Variants in PCDHB6 observed in about 807,000 individuals in gnomAD.
PCDHB6 encodes the protein protocadherin beta 6.
For synonymous variants in PCDHB6, 506 were observed against 459.0 expected (o/e 1.10, Z -1.31); for missense variants, 1,137 against 1,010.1 (o/e 1.13, Z -1.70).
Position 141,152,920 on chromosome 5 carries a change from GT to G in PCDHB6, c.*279del, listed in dbSNP as rs1380790449. 8.4e-6 allele frequency: 2 copies of G among 236,960 alleles called. No homozygotes were observed. Among genetic ancestry groups the G allele is most frequent in the East Asian group, 2.1e-4 (2 of 9,510 alleles). 14.7% of individuals were successfully genotyped at this position (236,960 alleles called of 1,614,324 possible). A position where few individuals can be genotyped will look rare whatever the true frequency, so the allele number is the denominator to read the frequency against. ...CTTCCCCCCCCCAAAAAAAAGTATT[GT>G]AAATCCTTAAGTAAAATTGTATTTC... On this transcript the variant is annotated 3_prime_UTR_variant, in exon 1 of 1. Coordinates refer to ENST00000231136, the MANE Select transcript of PCDHB6 (RefSeq NM_018939.4).
Position 141,151,751 on chromosome 5 carries a change from C to G in PCDHB6, c.1494C>G (p.Leu498=), listed in dbSNP as rs1330967276. Residue 498 remains leucine, a synonymous_variant, in exon 1 of 1, where the codon CTC becomes CTG. Transcript: ENST00000231136. ...CGCCCCAGGACCCGCACCTGCCCCT[C>G]TCTTCCCTGGTCTCCATCAACGCGG... is the stretch of plus-strand genomic sequence containing the variant. ...LLPPQDPHLP[L]SSLVSINADN... is the part of the protein sequence containing the mutation. The G allele has an allele frequency of 6.2e-7, 1 of 1,613,280 alleles. No homozygotes were observed. The highest frequency in any genetic ancestry group is 8.5e-7 in the Non-Finnish European group (1 of 1,180,058).
rs371005143 is a variant in PCDHB6 at position 141,150,808 on chromosome 5, G to A, written c.551G>A (p.Arg184His). The change falls in exon 1 of 1, where the codon CGC (arginine) becomes CAC (histidine). Residue 184 changes from arginine (R) to histidine (H), a missense_variant. Arg to His is a conservative substitution (Grantham distance 29, BLOSUM62 0). Coordinates refer to ENST00000231136, the MANE Select transcript of PCDHB6 (RefSeq NM_018939.4). ...CACTTCCACGTTCTCACCCGCAATC[G>A]CAGCGAAGGCAGGAAGTTCCCGGAG... ...NPHFHVLTRN[R>H]SEGRKFPELV... 2 of 1,614,112 alleles carry A rather than the reference G, an allele frequency of 1.2e-6. No individual in the cohort carries two copies. Among genetic ancestry groups the A allele is most frequent in the South Asian group, 1.1e-5 (1 of 91,068 alleles).
In PCDHB6 at chr5:141,151,897, T is replaced by C; in HGVS notation, c.1640T>C (p.Leu547Ser). 1 of 1,611,852 alleles carries C rather than the reference T, an allele frequency of 6.2e-7. No individual in the cohort carries two copies. The highest frequency in any genetic ancestry group is 8.5e-7 in the Non-Finnish European group (1 of 1,179,768). The change falls in exon 1 of 1, where the codon TTG becomes TCG. Residue 547 changes from leucine (L) to serine (S), a missense_variant. Transcript: ENST00000231136. Reference sequence around the variant, plus strand: ...TTGAGCAGCGAGGCGCTGGTGCGCTTGCTGGTGCTGGACGCCAACGACAAC... The same window carrying C: ...TTGAGCAGCGAGGCGCTGGTGCGCTCGCTGGTGCTGGACGCCAACGACAAC... ...PALSSEALVR[L>S]LVLDANDNSP...
At position 141,151,787 on chromosome 5, in the gene PCDHB6, C is replaced by T. The variant is rs1752876743; in HGVS notation, c.1530C>T (p.His510=). The T allele has an allele frequency of 6.2e-7, 1 of 1,613,172 alleles. No individual in the cohort carries two copies. The highest frequency in any genetic ancestry group is 1.7e-5 in the Admixed American group (1 of 60,002). ...TCTCCATCAACGCGGACAACGGCCA[C>T]CTGTTTGCCCTCAGGTCGCTGGACT... ...SLVSINADNG[H]LFALRSLDYE... The change falls in exon 1 of 1, where the codon CAC becomes CAT. Residue 510 remains histidine, a synonymous_variant. Coordinates refer to ENST00000231136, the MANE Select transcript of PCDHB6 (RefSeq NM_018939.4).
In PCDHB6 at chr5:141,150,290, G is replaced by A. The variant is rs1212615004; in HGVS notation, c.33G>A (p.Arg11=). The change falls in exon 1 of 1, where the codon AGG becomes AGA. Residue 11 remains arginine, a synonymous_variant. Transcript: ENST00000231136. The part of the protein sequence containing the change: MMQTKVQNKK[R]QVAFFILLML... ...AAACTAAAGTACAGAACAAGAAAAG[G>A]CAAGTGGCTTTCTTCATTTTATTGA... is the stretch of plus-strand genomic sequence containing the variant. 6.2e-7 allele frequency: 1 copy of A among 1,613,446 alleles called. No homozygotes were observed. Among genetic ancestry groups the A allele is most frequent in the Non-Finnish European group, 8.5e-7 (1 of 1,179,578 alleles).
chr5:141,152,828 G>T lies in PCDHB6; in HGVS notation c.*186G>T. ...TTTATTACTTCACTTGAGGGTACTT[G>T]ACAATATGAACAAAAAGTAAATTTT... On this transcript the variant is annotated 3_prime_UTR_variant, in exon 1 of 1. Transcript: ENST00000231136. 1 of 458,812 alleles carries T rather than the reference G, an allele frequency of 2.2e-6. No individual in the cohort carries two copies. Among genetic ancestry groups the T allele is most frequent in the Non-Finnish European group, 3.7e-6 (1 of 268,534 alleles). The allele number at this position is 458,812 out of a possible 1,614,324, so 28.4% of individuals were successfully genotyped here. A position where few individuals can be genotyped will look rare whatever the true frequency, so the allele number is the denominator to read the frequency against.
In PCDHB6 at chr5:141,150,422, G is replaced by T. The variant is rs1752822617; in HGVS notation, c.165G>T (p.Val55=). 3.7e-6 allele frequency: 6 copies of T among 1,614,080 alleles called. No homozygotes were observed. Among genetic ancestry groups the T allele is most frequent in the Non-Finnish European group, 5.1e-6 (6 of 1,180,018 alleles). Reference sequence around the variant, plus strand: ...TGACAAAGGACCTGGGACTGAGGGTGGGGGAGCTGGCTTCGCGGGGCGCTC... The same window carrying T: ...TGACAAAGGACCTGGGACTGAGGGTTGGGGAGCTGGCTTCGCGGGGCGCTC... ...ANLTKDLGLR[V]GELASRGARV... The change falls in exon 1 of 1, where the codon GTG becomes GTT. Residue 55 remains valine, a synonymous_variant. Coordinates refer to ENST00000231136, the MANE Select transcript of PCDHB6 (RefSeq NM_018939.4).
In PCDHB6 at chr5:141,150,135, G is replaced by A; in HGVS notation, c.-123G>A. The A allele has an allele frequency of 2.7e-6, 2 of 735,846 alleles. No homozygotes were observed. The highest frequency in any genetic ancestry group is 1.9e-5 in the South Asian group (1 of 53,342). The allele number at this position is 735,846 out of a possible 1,614,324, so 45.6% of individuals were successfully genotyped here. ...GATAGATGTGTCCGGGAAGGCAGTCGTCGCCAGACAAGTTGTAAGAACGAA... is the reference window on the plus strand; with the variant it reads ...GATAGATGTGTCCGGGAAGGCAGTCATCGCCAGACAAGTTGTAAGAACGAA... On this transcript the variant is annotated 5_prime_UTR_variant, in exon 1 of 1. Coordinates refer to ENST00000231136, the MANE Select transcript of PCDHB6 (RefSeq NM_018939.4).
In PCDHB6 at chr5:141,150,256, A is replaced by T. The variant is rs1752817267; in HGVS notation, c.-2A>T. Reference sequence around the variant, plus strand: ...TTTCTTCCGTATTCAGACATAATAGACATGATGCAAACTAAAGTACAGAAC... The same window carrying T: ...TTTCTTCCGTATTCAGACATAATAGTCATGATGCAAACTAAAGTACAGAAC... On this transcript the variant is annotated 5_prime_UTR_variant, in exon 1 of 1. Transcript: ENST00000231136. The T allele has an allele frequency of 6.2e-7, 1 of 1,604,142 alleles. No homozygotes were observed. Among genetic ancestry groups the T allele is most frequent in the Non-Finnish European group, 8.5e-7 (1 of 1,172,968 alleles).
Position 141,151,632 on chromosome 5 carries a change from C to G in PCDHB6, c.1375C>G (p.Arg459Gly), listed in dbSNP as rs1554277751. ...CCAAACCTCCTACACCCTGTTCGTC[C>G]GCGAGAACAACAGCCCCGCCCTGCA... ...FTQTSYTLFV[R>G]ENNSPALHIG... Residue 459 changes from arginine to glycine, a missense_variant, in exon 1 of 1, where the codon CGC (arginine) becomes GGC (glycine). Coordinates refer to ENST00000231136, the MANE Select transcript of PCDHB6 (RefSeq NM_018939.4). 6.2e-7 allele frequency: 1 copy of G among 1,613,636 alleles called. No homozygotes were observed. Among genetic ancestry groups the G allele is most frequent in the Non-Finnish European group, 8.5e-7 (1 of 1,180,030 alleles).
At position 141,151,935 on chromosome 5, in the gene PCDHB6, T is replaced by C. The variant is rs246705; in HGVS notation, c.1678T>C (p.Leu560=). The C allele has an allele frequency of 0.024, 38,524 of 1,607,832 alleles. 2,584 individuals are homozygous for C. The highest frequency in any genetic ancestry group is 0.23 in the African/African-American group (17,277 of 73,558). Reference sequence around the variant, plus strand: ...CGCCAACGACAACTCGCCCTTCGTGTTGTACCCGCTGCAGAACGGCTCCGC... The same window carrying C: ...CGCCAACGACAACTCGCCCTTCGTGCTGTACCCGCTGCAGAACGGCTCCGC... ...LDANDNSPFV[L]YPLQNGSAPC... Residue 560 remains leucine, a synonymous_variant, in exon 1 of 1, where the codon TTG becomes CTG. Coordinates refer to ENST00000231136, the MANE Select transcript of PCDHB6 (RefSeq NM_018939.4).
Position 141,151,253 on chromosome 5 carries a change from C to G in PCDHB6, c.996C>G (p.Val332=). The change falls in exon 1 of 1, where the codon GTC becomes GTG. Residue 332 remains valine (V), a synonymous_variant. Coordinates refer to ENST00000231136, the MANE Select transcript of PCDHB6 (RefSeq NM_018939.4). ...GGGLSGKCSL[V]VRVLDVNDNA... ...GCCTATCAGGAAAATGCTCTTTAGT[C>G]GTCAGGGTCCTGGACGTGAATGACA... The G allele has an allele frequency of 6.2e-7, 1 of 1,614,102 alleles. No individual in the cohort carries two copies.
Position 141,150,846 on chromosome 5 carries a change from A to C in PCDHB6, c.589A>C (p.Lys197Gln). 6.2e-7 allele frequency: 1 copy of C among 1,614,176 alleles called. No homozygotes were observed. Among genetic ancestry groups the C allele is most frequent in the Admixed American group, 1.7e-5 (1 of 60,018 alleles). Residue 197 changes from lysine to glutamine, a missense_variant, in exon 1 of 1, where the codon AAA becomes CAA. By Grantham distance (53) the Lys-to-Gln change is moderately conservative. Coordinates refer to ENST00000231136, the MANE Select transcript of PCDHB6 (RefSeq NM_018939.4). ...GAAGTTCCCGGAGCTGGTGCTAGAC[A>C]AACCGTTGGACCGCGAGGAGCAGCC... ...GRKFPELVLD[K>Q]PLDREEQPQL...
chr5:141,152,707 G>T lies in PCDHB6; in HGVS notation c.*65G>T. The T allele has an allele frequency of 7.2e-7, 1 of 1,390,612 alleles. No homozygotes were observed. Among genetic ancestry groups the T allele is most frequent in the Admixed American group, 2.5e-5 (1 of 39,642 alleles). The allele number at this position is 1,390,612 out of a possible 1,614,324, so 86.1% of individuals were successfully genotyped here. On this transcript the variant is annotated 3_prime_UTR_variant, in exon 1 of 1. Transcript: ENST00000231136. ...ATCTCTTTTAACTTAAAGTTACATG[G>T]TCTGTTTCTTGTTTATTTTACCTCT...
chr5:141,150,305 C>G lies in PCDHB6; in HGVS notation c.48C>G (p.Phe16Leu). The G allele has an allele frequency of 1.9e-6, 3 of 1,613,844 alleles. No individual in the cohort carries two copies. Among genetic ancestry groups the G allele is most frequent in the Non-Finnish European group, 2.5e-6 (3 of 1,179,782 alleles). ...VQNKKRQVAF[F>L]ILLMLWGEVG... ...ACAAGAAAAGGCAAGTGGCTTTCTT[C>G]ATTTTATTGATGCTTTGGGGAGAGG... Residue 16 changes from phenylalanine (F) to leucine (L), a missense_variant, in exon 1 of 1, where the codon TTC becomes TTG. Coordinates refer to ENST00000231136, the MANE Select transcript of PCDHB6 (RefSeq NM_018939.4).
At position 141,151,679 on chromosome 5, in the gene PCDHB6, A is replaced by G. The variant is rs1400134016; in HGVS notation, c.1422A>G (p.Thr474=). The G allele has an allele frequency of 6.2e-7, 1 of 1,613,196 alleles. No individual in the cohort carries two copies. The highest frequency in any genetic ancestry group is 8.5e-7 in the Non-Finnish European group (1 of 1,180,032). ...PALHIGSVSA[T]DRDSGINAQV... ...TGCACATCGGCAGCGTCAGCGCCAC[A>G]GACAGAGACTCAGGCATCAACGCCC... Residue 474 remains threonine, a synonymous_variant, in exon 1 of 1, where the codon ACA becomes ACG. Transcript: ENST00000231136.
chr5:141,152,826 T>C lies in PCDHB6; in HGVS notation c.*184T>C. On this transcript the variant is annotated 3_prime_UTR_variant, in exon 1 of 1. Coordinates refer to ENST00000231136, the MANE Select transcript of PCDHB6 (RefSeq NM_018939.4). ...AGTTTATTACTTCACTTGAGGGTAC[T>C]TGACAATATGAACAAAAAGTAAATT... The C allele has an allele frequency of 2.1e-6, 1 of 469,674 alleles. No individual in the cohort carries two copies. The highest frequency in any genetic ancestry group is 3.6e-6 in the Non-Finnish European group (1 of 275,866). The allele number at this position is 469,674 out of a possible 1,614,324, so 29.1% of individuals were successfully genotyped here.
Position 141,150,466 on chromosome 5 carries a change from A to G in PCDHB6, c.209A>G (p.Asn70Ser). 6.2e-7 allele frequency: 1 copy of G among 1,614,084 alleles called. No individual in the cohort carries two copies. ...SRGARVVFKG[N>S]RQHLQFDPQT... ...GGCGCTCGGGTTGTTTTCAAAGGGAACAGACAACATTTGCAGTTTGATCCA... is the reference window on the plus strand; with the variant it reads ...GGCGCTCGGGTTGTTTTCAAAGGGAGCAGACAACATTTGCAGTTTGATCCA... The change falls in exon 1 of 1, where the codon AAC (asparagine) becomes AGC (serine). Residue 70 changes from asparagine (N) to serine (S), a missense_variant. By Grantham distance (46) the Asn-to-Ser change is conservative. Transcript: ENST00000231136.
At position 141,151,838 on chromosome 5, in the gene PCDHB6, C is replaced by A; in HGVS notation, c.1581C>A (p.Phe527Leu). Residue 527 changes from phenylalanine to leucine, a missense_variant, in exon 1 of 1, where the codon TTC becomes TTA. Transcript: ENST00000231136. ...ACGAGGCCCTGCAGTCTTTCGAGTT[C>A]CGCGTGGGCGCCACAGACCGCGGCT... The part of the protein sequence containing the change: ...LDYEALQSFE[F>L]RVGATDRGSP... The A allele has an allele frequency of 1.2e-6, 2 of 1,612,708 alleles. No individual in the cohort carries two copies. The highest frequency in any genetic ancestry group is 1.7e-6 in the Non-Finnish European group (2 of 1,179,878).
Sources: allele counts gnomAD v4.1 joint callset, GRCh38; gene constraint gnomAD v4.1.1; transcripts MANE v1.5; gene names NCBI Gene and HGNC (gene_info 2026-07-23, HGNC 2026-07-21).